The following TTN variants were observed in gnomAD, a reference collection of about 807,000 sequenced individuals.
The protein encoded by TTN is titin.
TTN carries 1,525 observed loss-of-function variants against 3,223.0 expected under a neutral mutation model. That is an observed-to-expected ratio of 0.47 (90% CI 0.45 to 0.49). TTN has a LOEUF of 0.49. Among genes scored for constraint, TTN ranks in the 20% least tolerant of loss-of-function variants. The pLI is 0.00. For synonymous variants in TTN, 14,094 were observed against 15,161.0 expected, an observed-to-expected ratio of 0.93 and a Z score of 5.17; for missense variants, 40,786 against 43,424.0, an observed-to-expected ratio of 0.94 and a Z score of 5.40.
Position 178,601,348 on chromosome 2 carries a change from A to C in TTN, c.55649T>G (p.Phe18550Cys), listed in dbSNP as rs553264256. 6.2e-7 allele frequency: 1 copy of C among 1,612,156 alleles called. No individual in the cohort carries two copies. The highest frequency in any genetic ancestry group is 1.1e-5 in the South Asian group (1 of 90,810). The change falls in exon 287 of 363, where the codon TTC becomes TGC. Residue 18550 changes from phenylalanine (F) to cysteine (C), a missense_variant. Transcript: ENST00000589042. Reference protein sequence around the residue: ...VPDLLSEQQYFFRVRAENRFG... With the variant: ...VPDLLSEQQYCFRVRAENRFG... ...ACGGTTTTCTGCTCGCACACGGAAGAAATATTGCTGTTCAGAGAGGAGATC... is the reference window on the plus strand; with the variant it reads ...ACGGTTTTCTGCTCGCACACGGAAGCAATATTGCTGTTCAGAGAGGAGATC...
chr2:178,651,650 T>C lies in TTN; in HGVS notation c.39463+16A>G, dbSNP rs1553769902. On this transcript the variant is annotated intron_variant, in intron 206 of 362. Coordinates refer to ENST00000589042, the MANE Select transcript of TTN (RefSeq NM_001267550.2). ...AGAAAGTTTTTTGTTAGGGAGTTAG[T>C]GGCAGTGAGGAATACCTTTCACTGG... 6.2e-7 allele frequency: 1 copy of C among 1,612,952 alleles called. No homozygotes were observed. The highest frequency in any genetic ancestry group is 8.5e-7 in the Non-Finnish European group (1 of 1,179,406).
Position 178,727,110 on chromosome 2 carries a change from C to A in TTN, c.20255G>T (p.Ser6752Ile). 1 of 1,587,844 alleles carries A rather than the reference C, an allele frequency of 6.3e-7. No individual in the cohort carries two copies. Among genetic ancestry groups the A allele is most frequent in the Non-Finnish European group, 8.6e-7 (1 of 1,164,476 alleles). The change falls in exon 69 of 363, where the codon AGT (serine) becomes ATT (isoleucine). Residue 6752 changes from serine (S) to isoleucine (I), a missense_variant. Transcript: ENST00000589042. ...TCTACCTTTTACTATAACCTTGGTA[C>A]TGCAGCTTGTGCTGCCAGCGGGATT... ...AQNPAGSTSC[S>I]TKVIVKEPPV...
Position 178,775,142 on chromosome 2 carries a change from G to A in TTN, c.6569C>T (p.Thr2190Ile), listed in dbSNP as rs767577772. ...AGTTTCACATTCAAAGGTTGCCATA[G>A]TGTCTTTTTCCTTAGCAACAACATC... is the stretch of plus-strand genomic sequence containing the variant. Reference protein sequence around the residue: ...LQDVVAKEKDTMATFECETSE... With the variant: ...LQDVVAKEKDIMATFECETSE... Residue 2190 changes from threonine to isoleucine, a missense_variant, in exon 29 of 363, where the codon ACT (threonine) becomes ATT (isoleucine). Physicochemically the swap from Thr to Ile is moderately conservative, Grantham distance 89 (BLOSUM62 -1). Coordinates refer to ENST00000589042, the MANE Select transcript of TTN (RefSeq NM_001267550.2). 1.9e-6 allele frequency: 3 copies of A among 1,613,892 alleles called. No homozygotes were observed. The highest frequency in any genetic ancestry group is 2.5e-6 in the Non-Finnish European group (3 of 1,179,974).
At chr2:178,695,016 A>G in intron 115 of TTN, 110 bp from the exon 116 acceptor site, 3 of 751,690 alleles carry the variant, frequency 4.0e-6, no homozygotes, top group Non-Finnish European at 6.3e-6. Context: ...CTATAAGTGT[A>G]TATGCAGATA....
rs773542514 is a variant in TTN, at chr2:178,535,324, G to C, written c.101291C>G (p.Ala33764Gly). The C allele has an allele frequency of 9.9e-6, 16 of 1,613,720 alleles. No individual in the cohort carries two copies. Among genetic ancestry groups the C allele is most frequent in the Middle Eastern group, 1.6e-4 (1 of 6,084 alleles). ...GKTSYQFRVI[A>G]ENKFGLSKPS... ...CTTGCTCAGACCAAATTTATTTTCA[G>C]CTATTACCCGGAACTGGTAACTTGT... The change falls in exon 358 of 363, where the codon GCT becomes GGT. Residue 33764 changes from alanine (A) to glycine (G), a missense_variant. By Grantham distance (60) the Ala-to-Gly change is moderately conservative. Coordinates refer to ENST00000589042, the MANE Select transcript of TTN (RefSeq NM_001267550.2).
Position 178,577,451 on chromosome 2 carries a change from C to A in TTN, c.68884G>T (p.Asp22962Tyr). ...CTAATGGCATTCAAAACAATGGTATCCCCTGCTTTAATTGTTAGCCCATCT... is the reference window on the plus strand; with the variant it reads ...CTAATGGCATTCAAAACAATGGTATACCCTGCTTTAATTGTTAGCCCATCT... ...IKDGLTIKAG[D>Y]TIVLNAISIL... Residue 22962 changes from aspartate (D) to tyrosine (Y), a missense_variant, in exon 324 of 363, where the codon GAT (aspartate) becomes TAT (tyrosine). Asp to Tyr is a radical substitution (Grantham distance 160). Transcript: ENST00000589042. 1 of 1,604,310 alleles carries A rather than the reference C, an allele frequency of 6.2e-7. No homozygotes were observed. The highest frequency in any genetic ancestry group is 8.5e-7 in the Non-Finnish European group (1 of 1,173,728).
Position 178,566,174 on chromosome 2 carries a change from C to T in TTN, c.79958G>A (p.Cys26653Tyr), listed in dbSNP as rs752562709. The T allele has an allele frequency of 3.1e-6, 5 of 1,613,694 alleles. No individual in the cohort carries two copies. The East Asian group carries it at 1.1e-4, about 36-fold the overall frequency. ...GTATTTTCCAGCATCATTTCTATCA[C>T]AGTTATCTATTGATAGTTGGGTATA... ...VNYTQLSIDN[C>Y]DRNDAGKYIL... is the part of the protein sequence containing the mutation. The change falls in exon 326 of 363, where the codon TGT (cysteine) becomes TAT (tyrosine). Residue 26653 changes from cysteine to tyrosine, a missense_variant. Cys to Tyr is a radical substitution (Grantham distance 194). Transcript: ENST00000589042.
chr2:178,543,781 A>T, intron 346 of TTN, 53 bp downstream of exon 346: 1 of 1,592,458 alleles, frequency 6.3e-7, no homozygotes, highest in East Asian at 2.2e-5. Flanking sequence ...GTCAAGCTAT[A>T]TTGTTTTAGA....
Position 178,579,238 on chromosome 2 carries a change from T to G in TTN, c.67792A>C (p.Ser22598Arg), listed in dbSNP as rs775579156. ...GTGTTAACCGCAGATGACTCAACACTGACTCTAGTGTCAGTTGCTAGAGGA... is the reference window on the plus strand; with the variant it reads ...GTGTTAACCGCAGATGACTCAACACGGACTCTAGTGTCAGTTGCTAGAGGA... ...EDPLATDTRVSVESSAVNTTL... is the reference protein window; with the variant it reads ...EDPLATDTRVRVESSAVNTTL... Residue 22598 changes from serine (S) to arginine (R), a missense_variant, in exon 320 of 363, where the codon AGT becomes CGT. Transcript: ENST00000589042. 41 of 1,613,500 alleles carry G rather than the reference T, an allele frequency of 2.5e-5. No homozygotes were observed. Among genetic ancestry groups the G allele is most frequent in the Non-Finnish European group, 3.3e-5 (39 of 1,179,558 alleles).
chr2:178,722,926 A>C lies in TTN; in HGVS notation c.21973T>G (p.Phe7325Val). The change falls in exon 76 of 363, where the codon TTT (phenylalanine) becomes GTT (valine). Residue 7325 changes from phenylalanine to valine, a missense_variant. Transcript: ENST00000589042. ...TCCAGAGGTTCCAGTTCCGTAACAA[A>C]ATAAGGCGGTTCTAAGGAAGAAAGG... ...ALVSTLEPPY[F>V]VTELEPLEAA... 6.2e-7 allele frequency: 1 copy of C among 1,610,346 alleles called. No individual in the cohort carries two copies. Among genetic ancestry groups the C allele is most frequent in the Non-Finnish European group, 8.5e-7 (1 of 1,178,092 alleles).
Position 178,573,054 on chromosome 2 carries a change from C to G in TTN, c.73078G>C (p.Val24360Leu). The G allele has an allele frequency of 6.2e-7, 1 of 1,613,228 alleles. No homozygotes were observed. The highest frequency in any genetic ancestry group is 8.5e-7 in the Non-Finnish European group (1 of 1,179,538). The stretch of plus-strand genomic sequence containing the variant: ...TCTTCCTCTGGCAGGGCAATCTCAA[C>G]CATATACCCAGTGATTTCTGAACCA... The part of the protein sequence containing the change: ...DGGSEITGYM[V>L]EIALPEEDEW... The change falls in exon 326 of 363, where the codon GTT (valine) becomes CTT (leucine). Residue 24360 changes from valine (V) to leucine (L), a missense_variant. Val to Leu is a conservative substitution (Grantham distance 32, BLOSUM62 1). Transcript: ENST00000589042.
In TTN at chr2:178,757,555, T is replaced by C. The variant is rs1331125161; in HGVS notation, c.10665A>G (p.Thr3555=). Reference sequence around the variant, plus strand: ...GATGGGCTTTACCTTTTGGAGTCACTGTGAGTGTAGCTGCACAAGTGGCTT... The same window carrying C: ...GATGGGCTTTACCTTTTGGAGTCACCGTGAGTGTAGCTGCACAAGTGGCTT... ...AGEATCAATL[T]VTPKVQALDR... Residue 3555 remains threonine (T), a synonymous_variant, in exon 45 of 363, where the codon ACA becomes ACG. Transcript: ENST00000589042. The C allele has an allele frequency of 1.3e-6, 2 of 1,575,864 alleles. No individual in the cohort carries two copies.
At chr2:178,647,322 C>T in intron 214 of TTN, 59 bp downstream of exon 214, 2 of 1,521,850 alleles carry the variant, frequency 1.3e-6, no homozygotes, top group Non-Finnish European at 1.8e-6. Context: ...CATCTACAAT[C>T]AAAGCAAGAG....
chr2:178,635,548 C>T lies in TTN; in HGVS notation c.41776G>A (p.Asp13926Asn), dbSNP rs2060332594. Residue 13926 changes from aspartate to asparagine, a missense_variant, in exon 227 of 363, where the codon GAT becomes AAT. Transcript: ENST00000589042. ...EPNDKTEILR[D>N]GNHLYLKIKN... Reference sequence around the variant, plus strand: ...ATTTTGAGGTACAGATGATTTCCATCTCTCAGTATTTCAGTCTTATCATTT... The same window carrying T: ...ATTTTGAGGTACAGATGATTTCCATTTCTCAGTATTTCAGTCTTATCATTT... 37 of 1,595,564 alleles carry T rather than the reference C, an allele frequency of 2.3e-5. No individual in the cohort carries two copies. Among genetic ancestry groups the T allele is most frequent in the Non-Finnish European group, 3.2e-5 (37 of 1,169,692 alleles).
intron 113 of TTN, among the ~76,000 whole-genome samples, chr2:178,696,713 A>C (rs1164803446): frequency 2.0e-5 from 3 of 152,108 alleles, no homozygotes; most frequent in Admixed American, 6.6e-5. Context: ...ATTGCATATG[A>C]TCCCTTAGTC....
chr2:178,725,273 T>C (rs754470995), intron 71 of TTN, 95 bp downstream of exon 71: 67 of 1,312,082 alleles, frequency 5.1e-5, no homozygotes, highest in Non-Finnish European at 6.4e-5. Context: ...ATAAATATAG[T>C]TCTAGAAGAA....
chr2:178,533,318 A>T lies in TTN; in HGVS notation c.103297T>A (p.Tyr34433Asn). The T allele has an allele frequency of 6.2e-7, 1 of 1,613,880 alleles. No individual in the cohort carries two copies. Among genetic ancestry groups the T allele is most frequent in the Non-Finnish European group, 8.5e-7 (1 of 1,179,860 alleles). Residue 34433 changes from tyrosine to asparagine, a missense_variant, in exon 358 of 363, where the codon TAT (tyrosine) becomes AAT (asparagine). Physicochemically the swap from Tyr to Asn is moderately radical, Grantham distance 143 (BLOSUM62 -2). Coordinates refer to ENST00000589042, the MANE Select transcript of TTN (RefSeq NM_001267550.2). ...IRDTLPEDTG[Y>N]YRVTATNTAG... ...GTGTTAGTGGCTGTGACTCTATAAT[A>T]ACCCGTGTCTTCAGGCAAAGTGTCC...
intron 316 of TTN, 143 bp from the exon 317 acceptor site, chr2:178,580,752 A>C: frequency 4.8e-6 from 4 of 825,310 alleles, no homozygotes; most frequent in Non-Finnish European, 7.4e-6. Context: ...CAATCCTCAA[A>C]ATCATTTTTC....
In TTN at chr2:178,537,050, A is replaced by T. The variant is rs56026369; in HGVS notation, c.100059T>A (p.Ile33353=). 2.2e-3 allele frequency: 3,511 copies of T among 1,613,258 alleles called. 52 individuals are homozygous for T. The highest frequency in any genetic ancestry group is 0.021 in the South Asian group (1,928 of 90,976). ...AGCCAGCATTTTCTGTGAGGTTCAC[A>T]ATTCTACAGGTTGTCACTGAGATGG... ...SSAISVTTCR[I]VNLTENAGYY... Residue 33353 remains isoleucine, a synonymous_variant, in exon 356 of 363, where the codon ATT becomes ATA. Transcript: ENST00000589042.
Sources: gnomAD v4.1 joint callset for allele counts (sites outside exome capture counted in the v4.1 genomes callset) on GRCh38, gnomAD v4.1.1 for gene constraint, MANE v1.5 for transcripts, NCBI Gene and HGNC (gene_info 2026-07-23, HGNC 2026-07-21) for gene names.